Variants in GRB14 observed in about 807,000 individuals in gnomAD.
GRB14 encodes the protein growth factor receptor bound protein 14.
A neutral mutation model predicts 69.1 loss-of-function variants in GRB14; 38 were observed. The ratio of observed to expected loss-of-function variants is 0.55; its 90% confidence interval spans 0.42 to 0.72. GRB14 has a LOEUF of 0.72. Among genes scored for constraint, GRB14 ranks in the 30% least tolerant of loss-of-function variants. The pLI is 0.00. For synonymous variants in GRB14, 247 were observed against 241.3 expected, an observed-to-expected ratio of 1.02 and a Z score of -0.22; for missense variants, 666 against 666.1, an observed-to-expected ratio of 1.00 and a Z score of 0.00.
At chr2:164,514,373 CTG>C (rs1687423533) in intron 6 of GRB14, among the ~76,000 whole-genome samples, 1 of 152,190 alleles carries the variant, frequency 6.6e-6, no homozygotes, top group Non-Finnish European at 1.5e-5. Flanking sequence ...AGCCAAAAAA[CTG>C]TGAGTACCCA....
At chr2:164,498,363 G>A (rs1231970383) in intron 9 of GRB14, among the ~76,000 whole-genome samples, 5 of 152,012 alleles carry the variant, frequency 3.3e-5, no homozygotes, top group Admixed American at 2.6e-4. Context: ...TGCAAAACCC[G>A]ATCTTCTTTT....
intron 2 of GRB14, among the ~76,000 whole-genome samples, chr2:164,599,809 T>C (rs1689872984): frequency 6.6e-6 from 1 of 152,224 alleles, no homozygotes. Context: ...TATCTGTCTG[T>C]TGTAGATTTA....
intron 2 of GRB14, among the ~76,000 whole-genome samples, chr2:164,612,263 G>A (rs899302084): frequency 1.3e-5 from 2 of 152,220 alleles, no homozygotes; most frequent in Non-Finnish European, 2.9e-5. Flanking sequence ...ATGGAAAAAT[G>A]TATGTGAATA....
At chr2:164,505,323 A>C (rs544298877) in intron 8 of GRB14, among the ~76,000 whole-genome samples, 1 of 152,008 alleles carries the variant, frequency 6.6e-6, no homozygotes, top group Non-Finnish European at 1.5e-5. Flanking sequence ...CTTTTAGTGT[A>C]TTTCACCCAT....
At position 164,553,178 on chromosome 2, in the gene GRB14, C is replaced by T. The variant is rs564293682; in HGVS notation, c.325-5362G>A. 1.0e-3 allele frequency among the ~76,000 whole-genome samples: 152 copies of T among 152,130 alleles called. 3 individuals carry two copies. In the Middle Eastern group the frequency reaches 0.044, roughly 44 times the overall value. The stretch of plus-strand genomic sequence containing the variant: ...AGCTAAGAAAATGAAAAACTAGAGA[C>T]ATTCTGAAGGCTAAACCAATTTTTT... On this transcript the variant is annotated intron_variant, in intron 2 of 13. Transcript: ENST00000263915.
intron 3 of GRB14, among the ~76,000 whole-genome samples, chr2:164,527,531 A>T (rs1458348958): frequency 6.6e-6 from 1 of 151,840 alleles, no homozygotes; most frequent in Non-Finnish European, 1.5e-5. Context: ...AAACTAAAGT[A>T]TTTATTTCAA....
rs770674808 is a variant in GRB14, at chr2:164,497,102, A to G, written c.1295-7T>C. ...GGCTGGGACCGGTGGATAGCTAAAG[A>G]AATAGGATGGATGAATGCAAAGCTT... On this transcript the variant is annotated splice_polypyrimidine_tract_variant and splice_region_variant and intron_variant, in intron 11 of 13. Coordinates refer to ENST00000263915, the MANE Select transcript of GRB14 (RefSeq NM_004490.3). The G allele has an allele frequency of 4.0e-5, 65 of 1,612,268 alleles. No homozygotes were observed. The highest frequency in any genetic ancestry group is 5.2e-5 in the Non-Finnish European group (61 of 1,178,492).
intron 3 of GRB14, among the ~76,000 whole-genome samples, chr2:164,540,682 T>C (rs566190786): frequency 6.6e-6 from 1 of 152,260 alleles, no homozygotes; most frequent in East Asian, 1.9e-4. Flanking sequence ...CCTCCTGCTT[T>C]CCCTCCCCAG....
intron 2 of GRB14, among the ~76,000 whole-genome samples, chr2:164,607,942 T>G (rs763461551): frequency 1.4e-4 from 22 of 152,216 alleles, no homozygotes; most frequent in Admixed American, 5.9e-4. Flanking sequence ...ATCAAAAGTT[T>G]AAGGCTTCAG....
At chr2:164,524,889 T>C (rs952802837) in intron 5 of GRB14, 115 bp downstream of exon 5, 10 of 593,394 alleles carry the variant, frequency 1.7e-5, no homozygotes, top group Admixed American at 3.6e-5. Flanking sequence ...CAGCAAAAAA[T>C]ATTAATAATA....
chr2:164,582,216 C>T (rs992331347), intron 2 of GRB14, among the ~76,000 whole-genome samples: 17 of 152,118 alleles, frequency 1.1e-4, no homozygotes, highest in African/African-American at 3.9e-4. Flanking sequence ...ACCTAGTCTT[C>T]CTCCATCCAG....
rs1276842460 is a variant in GRB14, at chr2:164,599,998, C to A, written c.324+19689G>T. Among the ~76,000 whole-genome samples the A allele has an allele frequency of 3.3e-5, 5 of 152,120 alleles. No homozygotes were observed. In the South Asian group the frequency reaches 1.0e-3, roughly 31 times the overall value. ...TTAACTTATAAAAACTTCACATGAT[C>A]CTTACTTAAATAAGTTTCAGCAAGT... On this transcript the variant is annotated intron_variant, in intron 2 of 13. Transcript: ENST00000263915.
At chr2:164,620,299 G>A (rs2105367268) in intron 1 of GRB14, among the ~76,000 whole-genome samples, 2 of 152,250 alleles carry the variant, frequency 1.3e-5, no homozygotes, top group East Asian at 3.9e-4. Flanking sequence ...ACTTTTGGAA[G>A]TTATGATTTA....
intron 3 of GRB14, among the ~76,000 whole-genome samples, chr2:164,547,072 G>C (rs915373777): frequency 6.6e-6 from 1 of 151,746 alleles, no homozygotes; most frequent in African/African-American, 2.4e-5. Flanking sequence ...AAACCTCTAA[G>C]GAATATATCC....
chr2:164,540,787 C>T (rs1427260308), intron 3 of GRB14, among the ~76,000 whole-genome samples: 1 of 152,094 alleles, frequency 6.6e-6, no homozygotes, highest in Non-Finnish European at 1.5e-5. Context: ...TACTTTTTGT[C>T]TGTTTTGCTC....
chr2:164,509,726 G>C (rs1445813783), intron 6 of GRB14, among the ~76,000 whole-genome samples: 4 of 134,934 alleles, frequency 3.0e-5, no homozygotes, highest in Non-Finnish European at 6.2e-5. Flanking sequence ...CAGACCTCCT[G>C]AATCAGTATC....
At chr2:164,617,421 AT>A (rs199696747) in intron 2 of GRB14, among the ~76,000 whole-genome samples, 21 of 148,472 alleles carry the variant, frequency 1.4e-4, no homozygotes, top group South Asian at 2.1e-4. Flanking sequence ...CCAGTTTGCT[AT>A]TTTTTTTTTG....
At chr2:164,569,032 TA>T (rs1689059401) in intron 2 of GRB14, among the ~76,000 whole-genome samples, 2 of 152,100 alleles carry the variant, frequency 1.3e-5, no homozygotes, top group African/African-American at 4.8e-5. Context: ...CACTGTTAAA[TA>T]TTATTTTAAC....
intron 2 of GRB14, among the ~76,000 whole-genome samples, chr2:164,577,284 G>A (rs1430207590): frequency 6.6e-6 from 1 of 151,802 alleles, no homozygotes; most frequent in Non-Finnish European, 1.5e-5. Context: ...TCAATGAGGG[G>A]GATCTTCACA....
Sources: allele counts gnomAD v4.1 joint callset (sites outside exome capture counted in the v4.1 genomes callset), GRCh38; gene constraint gnomAD v4.1.1; transcripts MANE v1.5; gene names NCBI Gene and HGNC (gene_info 2026-07-23, HGNC 2026-07-21).